Variants in SSBP2 observed in about 807,000 individuals in gnomAD.
SSBP2 encodes single-stranded DNA-binding protein 2.
Under a neutral mutation model 61.8 loss-of-function variants are expected in SSBP2, and 17 were observed. The ratio of observed to expected loss-of-function variants is 0.28; its 90% CI spans 0.19 to 0.41. The LOEUF is 0.41. Ranked by LOEUF, SSBP2 falls within the 10% of genes least tolerant of loss-of-function variation. The pLI, the probability that SSBP2 is intolerant of heterozygous loss-of-function variation, is 1.00. For missense variants in SSBP2, 310 were observed against 458.7 expected, an observed-to-expected ratio of 0.68 and a Z score of 2.96; for synonymous variants, 139 against 141.3, an observed-to-expected ratio of 0.98 and a Z score of 0.12.
chr5:81,426,373 G>A (rs1349223464), intron 16 of SSBP2, among the ~76,000 whole-genome samples: 2 of 152,216 alleles, frequency 1.3e-5, no homozygotes, highest in South Asian at 4.1e-4. Context: ...GGGTGGTGGT[G>A]CAGTTTCTCA....
At chr5:81,685,505 T>A (rs1752706532) in intron 1 of SSBP2, among the ~76,000 whole-genome samples, 1 of 151,996 alleles carries the variant, frequency 6.6e-6, no homozygotes, top group Non-Finnish European at 1.5e-5. Flanking sequence ...ACACTCAATT[T>A]TGCTCTGAAC....
chr5:81,493,768 A>AT lies in SSBP2; in HGVS notation c.373-4460_373-4459insA, dbSNP rs377017529. 2.2e-3 allele frequency among the ~76,000 whole-genome samples: 314 copies of AT among 144,412 alleles called. 2 individuals carry two copies. The highest frequency in any genetic ancestry group is 6.9e-3 in the African/African-American group (257 of 37,346). The allele number at this position is 144,412 out of a possible 152,430, so 94.7% of individuals were successfully genotyped here. A position where few individuals can be genotyped will look rare whatever the true frequency, so the allele number is the denominator to read the frequency against. On this transcript the variant is annotated intron_variant, in intron 5 of 16. Transcript: ENST00000320672. ...GAGACTCCATCTCAAAAAAAAAAATAAAATAAAATTGTAGAGATGGGTGCT... is the reference window on the plus strand; with the variant it reads ...GAGACTCCATCTCAAAAAAAAAAATATAAATAAAATTGTAGAGATGGGTGCT...
intron 8 of SSBP2, among the ~76,000 whole-genome samples, chr5:81,470,752 A>C (rs1351601016): frequency 6.6e-6 from 1 of 151,942 alleles, no homozygotes; most frequent in African/African-American, 2.4e-5. Context: ...GCTAAAAATA[A>C]GGCAGATATC....
rs528220572 is a variant in SSBP2, at chr5:81,483,995, A to G, written c.432+5255T>C. Among the ~76,000 whole-genome samples, 28 of 152,284 alleles carry G rather than the reference A, an allele frequency of 1.8e-4. No homozygotes were observed. The South Asian group carries it at 5.4e-3, about 29-fold the overall frequency. ...GTATAAAATATTTCCATCATCCCAG[A>G]AAGTTCTATTGGGCAGTGCTGCATT... On this transcript the variant is annotated intron_variant, in intron 6 of 16. Coordinates refer to ENST00000320672, the MANE Select transcript of SSBP2 (RefSeq NM_012446.5).
chr5:81,745,240 C>T (rs1187493471), intron 1 of SSBP2, among the ~76,000 whole-genome samples: 1 of 152,078 alleles, frequency 6.6e-6, no homozygotes. Flanking sequence ...ACAGGCAAGA[C>T]ATTAATCTTG....
At chr5:81,498,412 A>G (rs1289960991) in intron 5 of SSBP2, among the ~76,000 whole-genome samples, 1 of 152,052 alleles carries the variant, frequency 6.6e-6, no homozygotes, top group Non-Finnish European at 1.5e-5. Flanking sequence ...TTCCTCTGAT[A>G]CTTTCTTTGC....
chr5:81,727,432 C>T (rs529831070), intron 1 of SSBP2, among the ~76,000 whole-genome samples: 1 of 152,132 alleles, frequency 6.6e-6, no homozygotes, highest in South Asian at 2.1e-4. Context: ...GCCTGTAATC[C>T]CAGCTACTCA....
At chr5:81,493,709 C>A (rs2154059283) in intron 5 of SSBP2, among the ~76,000 whole-genome samples, 2 of 151,954 alleles carry the variant, frequency 1.3e-5, no homozygotes, top group South Asian at 4.2e-4. Context: ...TGAGCCAAGA[C>A]CATGCCATTG....
intron 4 of SSBP2, among the ~76,000 whole-genome samples, chr5:81,576,622 G>A (rs1420708364): frequency 6.6e-6 from 1 of 152,060 alleles, no homozygotes; most frequent in Non-Finnish European, 1.5e-5. Flanking sequence ...CTAGATGTCT[G>A]ACCTTCACAT....
intron 3 of SSBP2, among the ~76,000 whole-genome samples, chr5:81,627,417 T>C (rs1442396709): frequency 6.6e-6 from 1 of 152,228 alleles, no homozygotes; most frequent in Admixed American, 6.5e-5. Flanking sequence ...ATAGTTATTA[T>C]ACCTTGCCTG....
intron 10 of SSBP2, among the ~76,000 whole-genome samples, chr5:81,454,936 G>GT (rs1296834255): frequency 2.6e-5 from 4 of 151,910 alleles, no homozygotes; most frequent in African/African-American, 9.7e-5. Context: ...ACATAATGTA[G>GT]GTGCAGAATG....
At chr5:81,634,187 C>CTGAAGCCTGCTACAGG (rs1313511597) in intron 3 of SSBP2, among the ~76,000 whole-genome samples, 1 of 152,216 alleles carries the variant, frequency 6.6e-6, no homozygotes, top group Non-Finnish European at 1.5e-5. Context: ...GCTATTCTCG[C>CTGAAGCCTGCTACAGG]TGAAGCCTGC....
intron 1 of SSBP2, among the ~76,000 whole-genome samples, chr5:81,732,081 T>C (rs1756306128): frequency 6.6e-6 from 1 of 152,002 alleles, no homozygotes; most frequent in East Asian, 1.9e-4. Context: ...TTAATAGTAA[T>C]CCTAGAAATG....
At chr5:81,588,287 T>C (rs1036766244) in intron 4 of SSBP2, among the ~76,000 whole-genome samples, 1 of 152,192 alleles carries the variant, frequency 6.6e-6, no homozygotes, top group African/African-American at 2.4e-5. Flanking sequence ...AGACACTTTA[T>C]ATACATTATC....
upstream of SSBP2, chr5:81,751,231 A>C (rs1253177174): frequency 1.6e-6 from 1 of 608,150 alleles, no homozygotes; most frequent in Non-Finnish European, 2.9e-6. Flanking sequence ...TGGCCTTCCG[A>C]AGCGCGCGGT....
At chr5:81,511,179 G>A (rs1768574669) in intron 5 of SSBP2, among the ~76,000 whole-genome samples, 1 of 151,950 alleles carries the variant, frequency 6.6e-6, no homozygotes, top group Admixed American at 6.6e-5. Context: ...TTACTATTTT[G>A]ACAATACTTT....
At chr5:81,620,133 G>T (rs1303047810) in intron 3 of SSBP2, among the ~76,000 whole-genome samples, 1 of 109,218 alleles carries the variant, frequency 9.2e-6, no homozygotes, top group African/African-American at 3.8e-5. Context: ...GAAATAAAGG[G>T]TATTCAATTA....
At chr5:81,726,352 T>C (rs1561733176) in intron 1 of SSBP2, among the ~76,000 whole-genome samples, 3 of 152,148 alleles carry the variant, frequency 2.0e-5, no homozygotes, top group Admixed American at 2.0e-4. Flanking sequence ...TCATAATCTC[T>C]GGGATCAGGC....
At chr5:81,637,889 G>A (rs1262073850) in intron 2 of SSBP2, among the ~76,000 whole-genome samples, 2 of 152,182 alleles carry the variant, frequency 1.3e-5, no homozygotes, top group Non-Finnish European at 2.9e-5. Flanking sequence ...TTAAGAAACT[G>A]TGGCACATAT....
Sources: allele counts gnomAD v4.1 joint callset (sites outside exome capture counted in the v4.1 genomes callset), GRCh38; gene constraint gnomAD v4.1.1; transcripts MANE v1.5; gene names NCBI Gene and HGNC (gene_info 2026-07-23, HGNC 2026-07-21).